Variants in GABRA2 observed in about 807,000 individuals in gnomAD.
The protein encoded by GABRA2 is gamma-aminobutyric acid receptor subunit alpha-2.
GABRA2 carries 16 observed loss-of-function variants against 48.7 expected under a neutral mutation model. The observed-to-expected ratio is 0.33, with a 90% confidence interval of 0.22 to 0.50. The LOEUF (loss-of-function observed/expected upper bound fraction) is 0.50. Among genes scored for constraint, GABRA2 ranks in the 20% least tolerant of loss-of-function variants. GABRA2 has a pLI of 0.98. For missense variants in GABRA2, 275 were observed against 535.6 expected (o/e 0.51, Z 4.80); for synonymous variants, 185 against 184.5 (o/e 1.00, Z -0.02).
At chr4:46,337,851 G>A (rs1732528107) in intron 3 of GABRA2, among the ~76,000 whole-genome samples, 1 of 151,746 alleles carries the variant, frequency 6.6e-6, no homozygotes, top group Non-Finnish European at 1.5e-5. Flanking sequence ...TGGAGGGTAA[G>A]GACATGAAGA....
intron 9 of GABRA2, among the ~76,000 whole-genome samples, chr4:46,255,912 A>G (rs1010599636): frequency 1.3e-5 from 2 of 151,586 alleles, no homozygotes; most frequent in Non-Finnish European, 3.0e-5. Context: ...TTGAATGAAA[A>G]TAACAATTAC....
At chr4:46,305,808 C>T in intron 6 of GABRA2, 97 bp from the exon 7 acceptor site, 2 of 815,458 alleles carry the variant, frequency 2.5e-6, no homozygotes, top group South Asian at 3.8e-5. Flanking sequence ...TCACTATATA[C>T]TTTCAATATT....
intron 3 of GABRA2, chr4:46,367,751 CTG>C: frequency 6.6e-6 from 1 of 152,200 alleles, no homozygotes; most frequent in East Asian, 1.9e-4. Context: ...GAGATATGAC[CTG>C]TGTCACCAAA....
At chr4:46,335,573 A>C (rs1490849761) in intron 3 of GABRA2, among the ~76,000 whole-genome samples, 1 of 152,136 alleles carries the variant, frequency 6.6e-6, no homozygotes. Context: ...TCCAGGGTTC[A>C]AGTGATTCTC....
chr4:46,291,706 C>T (rs1723662160), intron 8 of GABRA2, among the ~76,000 whole-genome samples: 1 of 151,644 alleles, frequency 6.6e-6, no homozygotes, highest in East Asian at 1.9e-4. Context: ...TGCTCCTCAG[C>T]TTGCAGACAG....
chr4:46,372,652 G>A (rs1715074930), intron 3 of GABRA2, among the ~76,000 whole-genome samples: 1 of 152,160 alleles, frequency 6.6e-6, no homozygotes, highest in Admixed American at 6.5e-5. Flanking sequence ...CCTAAATGAT[G>A]AAGGCTACTA....
At chr4:46,379,755 A>G (rs1716504822) in intron 3 of GABRA2, among the ~76,000 whole-genome samples, 1 of 152,194 alleles carries the variant, frequency 6.6e-6, no homozygotes, top group African/African-American at 2.4e-5. Flanking sequence ...CTGATTGAGG[A>G]GAATGCCAAA....
chr4:46,275,506 C>T (rs1469890055), intron 8 of GABRA2, among the ~76,000 whole-genome samples: 2 of 151,960 alleles, frequency 1.3e-5, no homozygotes, highest in African/African-American at 2.4e-5. Context: ...CACCTGTGCC[C>T]CTCTATAGAA....
chr4:46,270,474 TG>T (rs1449816331), intron 8 of GABRA2, among the ~76,000 whole-genome samples: 1 of 152,008 alleles, frequency 6.6e-6, no homozygotes. Context: ...CTACACTAGT[TG>T]GGTACTCTCT....
chr4:46,249,030 GTGTA>G lies in GABRA2; in HGVS notation c.*1274_*1277del, dbSNP rs931955145. The G allele has an allele frequency of 1.8e-4, 26 of 140,936 alleles. No homozygotes were observed. The highest frequency in any genetic ancestry group is 6.7e-4 in the African/African-American group (23 of 34,160). The allele number at this position is 140,936 out of a possible 1,614,324, so 8.7% of individuals were successfully genotyped here. The stretch of plus-strand genomic sequence containing the variant: ...TAAAATTGTGTTTTCTAATTTAGCT[GTGTA>G]TGTGTGTGTGTGTGTGTGTGTGTGT... On this transcript the variant is annotated 3_prime_UTR_variant, in exon 10 of 10. Transcript: ENST00000381620.
intron 4 of GABRA2, among the ~76,000 whole-genome samples, chr4:46,322,925 G>A (rs1440880126): frequency 1.3e-5 from 2 of 151,722 alleles, no homozygotes; most frequent in Non-Finnish European, 2.9e-5. Context: ...GTGTTTGCAC[G>A]CGTGCATCTA....
At chr4:46,331,678 G>C (rs557935852) in intron 4 of GABRA2, among the ~76,000 whole-genome samples, 2 of 152,184 alleles carry the variant, frequency 1.3e-5, no homozygotes, top group African/African-American at 4.8e-5. Context: ...CAGCCCACCA[G>C]TACCTAACAC....
At chr4:46,332,066 A>C (rs535936721) in intron 4 of GABRA2, among the ~76,000 whole-genome samples, 9 of 152,122 alleles carry the variant, frequency 5.9e-5, no homozygotes, top group Non-Finnish European at 1.2e-4. Context: ...GTTCCATAGA[A>C]TCCAAGAGTA....
chr4:46,268,069 A>AAAC (rs36123721), intron 8 of GABRA2, among the ~76,000 whole-genome samples: 1 of 151,180 alleles, frequency 6.6e-6, no homozygotes, highest in South Asian at 2.1e-4. Flanking sequence ...ATATGACAGA[A>AAAC]AACAACAACA....
chr4:46,358,798 C>A (rs1199386906), intron 3 of GABRA2, among the ~76,000 whole-genome samples: 1 of 152,138 alleles, frequency 6.6e-6, no homozygotes, highest in Non-Finnish European at 1.5e-5. Flanking sequence ...CATGTTATGC[C>A]AGTTATGATG....
At chr4:46,298,151 A>G (rs1451708700) in intron 8 of GABRA2, among the ~76,000 whole-genome samples, 1 of 152,102 alleles carries the variant, frequency 6.6e-6, no homozygotes, top group East Asian at 1.9e-4. Context: ...ATAGCCTAAT[A>G]TCAGTTCTAT....
intron 3 of GABRA2, among the ~76,000 whole-genome samples, chr4:46,358,233 T>G (rs901083387): frequency 1.3e-5 from 2 of 152,190 alleles, no homozygotes; most frequent in Admixed American, 6.5e-5. Context: ...AGCTTTACGA[T>G]GTCCCATGAT....
intron 3 of GABRA2, chr4:46,367,619 T>C (rs926530581): frequency 2.6e-5 from 4 of 152,130 alleles, no homozygotes; most frequent in African/African-American, 7.2e-5. Context: ...AGAAGGTACA[T>C]AAAGTTGACT....
intron 4 of GABRA2, among the ~76,000 whole-genome samples, chr4:46,318,873 G>C (rs567732385): frequency 6.6e-6 from 1 of 151,630 alleles, no homozygotes; most frequent in Non-Finnish European, 1.5e-5. Flanking sequence ...TTACACTGAA[G>C]AGTTGAAAAA....
Sources: allele counts gnomAD v4.1 joint callset (sites outside exome capture counted in the v4.1 genomes callset), GRCh38; gene constraint gnomAD v4.1.1; transcripts MANE v1.5; gene names NCBI Gene and HGNC (gene_info 2026-07-23, HGNC 2026-07-21).